PLCXD3: variants seen among roughly 807,000 people sequenced by gnomAD.
PLCXD3 encodes phosphatidylinositol specific phospholipase C X domain containing 3, also known as PI-PLC X domain-containing protein 3.
In PLCXD3, 19 loss-of-function variants were observed where a neutral mutation model predicts 25.5. That is an observed-to-expected ratio of 0.75 (90% confidence interval 0.52 to 1.09). The LOEUF (loss-of-function observed/expected upper bound fraction) is 1.09. Ranked by LOEUF, PLCXD3 falls within the 50% of genes least tolerant of loss-of-function variation. PLCXD3 has a pLI of 0.00. For synonymous variants in PLCXD3, 174 were observed against 137.6 expected (o/e 1.26, Z -1.85); for missense variants, 411 against 388.1 (o/e 1.06, Z -0.50).
intron 1 of PLCXD3, among the ~76,000 whole-genome samples, chr5:41,419,555 TA>T (rs985273483): frequency 1.3e-5 from 2 of 151,896 alleles, no homozygotes; most frequent in African/African-American, 2.4e-5. Context: ...ATGAAGCAAT[TA>T]AAAAAAATAC....
At chr5:41,484,113 A>G (rs1433208872) in intron 1 of PLCXD3, among the ~76,000 whole-genome samples, 1 of 152,030 alleles carries the variant, frequency 6.6e-6, no homozygotes, top group Non-Finnish European at 1.5e-5. Context: ...AAAATCTAAT[A>G]CCCATTTTAA....
At chr5:41,356,430 C>G (rs1009746580) in intron 2 of PLCXD3, among the ~76,000 whole-genome samples, 1 of 152,072 alleles carries the variant, frequency 6.6e-6, no homozygotes, top group Non-Finnish European at 1.5e-5. Flanking sequence ...TGACACTGGG[C>G]AAATCATTTC....
intron 1 of PLCXD3, among the ~76,000 whole-genome samples, chr5:41,494,958 A>T (rs1748802616): frequency 6.6e-6 from 1 of 152,208 alleles, no homozygotes; most frequent in Non-Finnish European, 1.5e-5. Flanking sequence ...GTTAGGAGTA[A>T]TGTCAGCAAG....
chr5:41,493,532 C>T (rs2150526444), intron 1 of PLCXD3, among the ~76,000 whole-genome samples: 1 of 152,358 alleles, frequency 6.6e-6, no homozygotes, highest in East Asian at 1.9e-4. Context: ...GCCTTGCCCC[C>T]AGAGGTGGAG....
intron 2 of PLCXD3, among the ~76,000 whole-genome samples, chr5:41,328,906 A>C (rs988668621): frequency 3.3e-5 from 5 of 152,180 alleles, no homozygotes; most frequent in African/African-American, 1.2e-4. Flanking sequence ...ATTTCATGTC[A>C]ATCTCCTGCT....
At chr5:41,400,507 C>T (rs4559042) in intron 1 of PLCXD3, among the ~76,000 whole-genome samples, 136,988 of 152,114 alleles carry the variant, frequency 0.9, 62,068 homozygotes, top group Non-Finnish European at 0.93. Context: ...TATTCAGCCA[C>T]ATAGAAGAAT....
intron 1 of PLCXD3, among the ~76,000 whole-genome samples, chr5:41,485,822 T>C (rs1415073440): frequency 6.6e-6 from 1 of 152,218 alleles, no homozygotes; most frequent in Non-Finnish European, 1.5e-5. Context: ...GGTCTTTTTC[T>C]CACAAACCAT....
intron 1 of PLCXD3, among the ~76,000 whole-genome samples, chr5:41,462,379 C>T (rs1265776192): frequency 6.6e-6 from 1 of 151,970 alleles, no homozygotes. Flanking sequence ...GTGAGACAAT[C>T]CAATGGAGAT....
intron 1 of PLCXD3, among the ~76,000 whole-genome samples, chr5:41,472,063 C>A (rs1748179473): frequency 6.7e-6 from 1 of 149,354 alleles, no homozygotes. Context: ...AGACTCCAAG[C>A]ACCTGGCTCA....
intron 1 of PLCXD3, among the ~76,000 whole-genome samples, chr5:41,457,603 T>G (rs1261688920): frequency 6.6e-6 from 1 of 151,938 alleles, no homozygotes; most frequent in Non-Finnish European, 1.5e-5. Flanking sequence ...TTAAGCTGTC[T>G]ATATTCAAGT....
chr5:41,374,704 T>G (rs1233016376), intron 2 of PLCXD3, among the ~76,000 whole-genome samples: 1 of 150,804 alleles, frequency 6.6e-6, no homozygotes, highest in East Asian at 1.9e-4. Flanking sequence ...CATAGTCTCC[T>G]TGTTGTTCTT....
At chr5:41,394,028 T>C (rs1310076845) in intron 1 of PLCXD3, among the ~76,000 whole-genome samples, 1 of 149,904 alleles carries the variant, frequency 6.7e-6, no homozygotes, top group Non-Finnish European at 1.5e-5. Context: ...AAACTACTCT[T>C]ATCCTAAGTA....
chr5:41,488,116 T>C (rs1358643741), intron 1 of PLCXD3, among the ~76,000 whole-genome samples: 2 of 138,810 alleles, frequency 1.4e-5, no homozygotes, highest in African/African-American at 2.7e-5. Context: ...GATGTTCCCC[T>C]TCCTGTGTCC....
In PLCXD3 at chr5:41,411,475, A is replaced by G. The variant is rs553266410; in HGVS notation, c.104-28941T>C. On this transcript the variant is annotated intron_variant, in intron 1 of 2. Transcript: ENST00000377801. ...TCTTCCTCTAGCCTTGGGATTTGAG[A>G]TCTGGATATGTAGAGAATATATTTC... Among the ~76,000 whole-genome samples, 6 of 152,186 alleles carry G rather than the reference A, an allele frequency of 3.9e-5. No homozygotes were observed. In the South Asian group the frequency reaches 1.2e-3, roughly 32 times the overall value.
At chr5:41,417,821 C>G (rs945661566) in intron 1 of PLCXD3, among the ~76,000 whole-genome samples, 1 of 152,180 alleles carries the variant, frequency 6.6e-6, no homozygotes, top group Non-Finnish European at 1.5e-5. Flanking sequence ...GCCAGAGAAA[C>G]GTGCCCACTG....
chr5:41,479,032 A>G (rs1392667958), intron 1 of PLCXD3, among the ~76,000 whole-genome samples: 1 of 152,228 alleles, frequency 6.6e-6, no homozygotes, highest in Non-Finnish European at 1.5e-5. Flanking sequence ...CGTGGGGATT[A>G]CAATTTGAGA....
chr5:41,372,174 T>G (rs1257957901), intron 2 of PLCXD3, among the ~76,000 whole-genome samples: 1 of 152,108 alleles, frequency 6.6e-6, no homozygotes, highest in Non-Finnish European at 1.5e-5. Context: ...AAATTCAATC[T>G]GCCCAGCAAT....
At chr5:41,342,642 C>T (rs1744183824) in intron 2 of PLCXD3, among the ~76,000 whole-genome samples, 1 of 152,104 alleles carries the variant, frequency 6.6e-6, no homozygotes, top group Non-Finnish European at 1.5e-5. Context: ...TACCACTTCA[C>T]TATCTCATTC....
rs576035905 is a variant in PLCXD3, at chr5:41,348,665, T to C, written c.812+33161A>G. 5.9e-5 allele frequency among the ~76,000 whole-genome samples: 9 copies of C among 151,984 alleles called. No homozygotes were observed. In the South Asian group the frequency reaches 1.9e-3, roughly 32 times the overall value. ...TTTGTTTGTTTGTTTGTTTGTTTGT[T>C]TGTTTTAGATTGCAAGACCATCGGG... On this transcript the variant is annotated intron_variant, in intron 2 of 2. Transcript: ENST00000377801.
Sources: allele counts gnomAD v4.1 joint callset (sites outside exome capture counted in the v4.1 genomes callset), GRCh38; gene constraint gnomAD v4.1.1; transcripts MANE v1.5; gene names NCBI Gene and HGNC (gene_info 2026-07-23, HGNC 2026-07-21).